The following ASAP1 variants were observed in gnomAD, a reference collection of about 807,000 sequenced individuals.
The protein encoded by ASAP1 is arf-GAP with SH3 domain, ANK repeat and PH domain-containing protein 1.
Under a neutral mutation model 145.2 loss-of-function variants are expected in ASAP1, and 43 were observed. The observed-to-expected ratio is 0.30, with a 90% CI of 0.23 to 0.38. The LOEUF (loss-of-function observed/expected upper bound fraction) is 0.38. Among genes scored for constraint, ASAP1 ranks in the 10% least tolerant of loss-of-function variants. The probability of loss-of-function intolerance (pLI) is 1.00; values close to 1 mark genes in which losing one functional copy is unlikely to be tolerated. For synonymous variants in ASAP1, 546 were observed against 515.5 expected (o/e 1.06, Z -0.80); for missense variants, 1,018 against 1,355.3 (o/e 0.75, Z 3.91).
intron 3 of ASAP1, among the ~76,000 whole-genome samples, chr8:130,272,045 G>C (rs969876346): frequency 6.6e-6 from 1 of 152,066 alleles, no homozygotes; most frequent in African/African-American, 2.4e-5. Context: ...GTAAGCTCCA[G>C]TCCCAAATAC....
intron 1 of ASAP1, among the ~76,000 whole-genome samples, chr8:130,436,718 C>T (rs1565314723): frequency 6.6e-6 from 1 of 152,188 alleles, no homozygotes; most frequent in Non-Finnish European, 1.5e-5. Flanking sequence ...AGGAAGATCA[C>T]TTGAGCCCTG....
At chr8:130,120,393 C>A (rs932528530) in intron 18 of ASAP1, among the ~76,000 whole-genome samples, 4 of 152,234 alleles carry the variant, frequency 2.6e-5, no homozygotes, top group African/African-American at 9.6e-5. Context: ...CTGGGTAAAT[C>A]AAGTTCTCAC....
chr8:130,436,277 G>A (rs1830309303), intron 1 of ASAP1, among the ~76,000 whole-genome samples: 3 of 152,290 alleles, frequency 2.0e-5, no homozygotes, highest in East Asian at 1.9e-4. Context: ...GGCTGAGACA[G>A]GAGGTCCGCT....
At chr8:130,371,901 G>GGGCC (rs1341478006) in intron 2 of ASAP1, among the ~76,000 whole-genome samples, 1 of 152,144 alleles carries the variant, frequency 6.6e-6, no homozygotes, top group Non-Finnish European at 1.5e-5. Flanking sequence ...TTTATATAAT[G>GGGCC]GGCCCATGAA....
chr8:130,429,262 G>C (rs924883666), intron 1 of ASAP1, among the ~76,000 whole-genome samples: 3 of 152,174 alleles, frequency 2.0e-5, no homozygotes, highest in African/African-American at 7.2e-5. Context: ...AGTACTTCAA[G>C]ATATCTTTTG....
intron 27 of ASAP1, among the ~76,000 whole-genome samples, chr8:130,074,440 A>AACACACACACACACAC (rs57005471): frequency 1.7e-5 from 2 of 119,236 alleles, no homozygotes; most frequent in East Asian, 5.9e-4. Context: ...CCAAATAGTA[A>AACACACACACACACAC]ACACACACAC....
chr8:130,186,651 C>A (rs928635517), intron 7 of ASAP1, among the ~76,000 whole-genome samples: 3 of 152,164 alleles, frequency 2.0e-5, no homozygotes, highest in Non-Finnish European at 2.9e-5. Flanking sequence ...TATGCTGAGG[C>A]TCTGTGGTCA....
At chr8:130,428,442 CCACCATCATTATCACCAT>C (rs1565308516) in intron 1 of ASAP1, among the ~76,000 whole-genome samples, 2 of 3,932 alleles carry the variant, frequency 5.1e-4, no homozygotes, top group Non-Finnish European at 1.0e-3. Flanking sequence ...ATCACCACCA[CCACCATCATTATCACCAT>C]CATCATCACC....
At chr8:130,287,360 C>A (rs1821679517) in intron 3 of ASAP1, among the ~76,000 whole-genome samples, 1 of 152,244 alleles carries the variant, frequency 6.6e-6, no homozygotes, top group East Asian at 1.9e-4. Context: ...AACAAAGGGA[C>A]AATGCAGTAT....
At chr8:130,191,040 C>T (rs538358514) in intron 5 of ASAP1, among the ~76,000 whole-genome samples, 1 of 128,478 alleles carries the variant, frequency 7.8e-6, no homozygotes, top group South Asian at 2.8e-4. Flanking sequence ...AATCTATAAC[C>T]GGGAAATAGT....
intron 18 of ASAP1, among the ~76,000 whole-genome samples, chr8:130,120,976 CTCTT>C (rs2097564896): frequency 6.6e-6 from 1 of 152,202 alleles, no homozygotes; most frequent in Non-Finnish European, 1.5e-5. Flanking sequence ...ACCCAGTCCT[CTCTT>C]TATCTGCTCC....
intron 3 of ASAP1, among the ~76,000 whole-genome samples, chr8:130,271,188 A>G (rs1820563872): frequency 6.6e-6 from 1 of 152,218 alleles, no homozygotes; most frequent in Admixed American, 6.5e-5. Context: ...GCTCGCTCCT[A>G]AAACTGAACT....
intron 24 of ASAP1, among the ~76,000 whole-genome samples, chr8:130,102,757 C>T (rs1353760289): frequency 6.6e-6 from 1 of 152,192 alleles, no homozygotes; most frequent in Non-Finnish European, 1.5e-5. Context: ...GTGATCTTGA[C>T]TCACTGCAGC....
chr8:130,393,333 A>C lies in ASAP1; in HGVS notation c.59+8552T>G, dbSNP rs1828373754. Among the ~76,000 whole-genome samples the C allele has an allele frequency of 2.0e-5, 3 of 151,736 alleles. No homozygotes were observed. In the South Asian group the frequency reaches 6.2e-4, roughly 31 times the overall value. On this transcript the variant is annotated intron_variant, in intron 2 of 29. Coordinates refer to ENST00000518721, the MANE Select transcript of ASAP1 (RefSeq NM_018482.4). ...AGTCTTTACTGAGGGGAATGTGCTG[A>C]ATGGGCCAGGGAAGCCCTTCTCCCT...
intron 3 of ASAP1, among the ~76,000 whole-genome samples, chr8:130,273,178 C>T (rs1179746915): frequency 1.3e-5 from 2 of 152,066 alleles, no homozygotes; most frequent in African/African-American, 4.8e-5. Context: ...AAGATAAAAT[C>T]CTATCACTCA....
chr8:130,427,136 C>T (rs1829950084), intron 1 of ASAP1, among the ~76,000 whole-genome samples: 1 of 152,116 alleles, frequency 6.6e-6, no homozygotes, highest in Non-Finnish European at 1.5e-5. Flanking sequence ...ATGGGGAAAA[C>T]AGCTTGGCCA....
chr8:130,096,842 G>A (rs1272372951), intron 24 of ASAP1, among the ~76,000 whole-genome samples: 1 of 151,872 alleles, frequency 6.6e-6, no homozygotes, highest in Non-Finnish European at 1.5e-5. Flanking sequence ...AAAAGTCCTT[G>A]AGGCCGGGCA....
At chr8:130,223,512 G>A (rs1448349653) in intron 4 of ASAP1, among the ~76,000 whole-genome samples, 1 of 152,094 alleles carries the variant, frequency 6.6e-6, no homozygotes, top group Non-Finnish European at 1.5e-5. Flanking sequence ...TTTTTTGGAG[G>A]ATTCCAGGAT....
chr8:130,262,416 AAGAGAGAGAG>A lies in ASAP1; in HGVS notation c.187-25432_187-25423del, dbSNP rs71513089. Among the ~76,000 whole-genome samples, 259 of 57,826 alleles carry A rather than the reference AAGAGAGAGAG, an allele frequency of 4.5e-3. 3 individuals carry two copies. The highest frequency in any genetic ancestry group is 0.015 in the African/African-American group (217 of 14,732). The allele number at this position is 57,826 out of a possible 152,430, so 37.9% of individuals were successfully genotyped here. ...TCAAAAAAAAAAAAAAAAAAAAAAAAAGAGAGAGAGAGAGAGAGAGAGAGAGAGAGAGAGA... is the reference window on the plus strand; with the variant it reads ...TCAAAAAAAAAAAAAAAAAAAAAAAAAGAGAGAGAGAGAGAGAGAGAGAGA... On this transcript the variant is annotated intron_variant, in intron 3 of 29. Transcript: ENST00000518721.
Sources: allele counts gnomAD v4.1 joint callset (sites outside exome capture counted in the v4.1 genomes callset), GRCh38; gene constraint gnomAD v4.1.1; transcripts MANE v1.5; gene names NCBI Gene and HGNC (gene_info 2026-07-23, HGNC 2026-07-21).